Variants in STON2 observed in about 807,000 individuals in gnomAD.
STON2 encodes stonin 2.
STON2 carries 29 observed loss-of-function variants against 65.7 expected under a neutral mutation model. The observed-to-expected ratio is 0.44, with a 90% CI of 0.33 to 0.60. The LOEUF is 0.60. Ranked by LOEUF, STON2 falls within the 20% of genes least tolerant of loss-of-function variation. STON2 has a pLI of 0.03. For missense variants in STON2, 1,054 were observed against 1,118.1 expected, an observed-to-expected ratio of 0.94 and a Z score of 0.82; for synonymous variants, 404 against 414.2, an observed-to-expected ratio of 0.98 and a Z score of 0.30.
At chr14:81,312,170 G>C (rs888259348) in intron 5 of STON2, among the ~76,000 whole-genome samples, 4 of 152,194 alleles carry the variant, frequency 2.6e-5, no homozygotes, top group African/African-American at 9.6e-5. Flanking sequence ...TTCGTGAAAT[G>C]GTTCTGGGAT....
At chr14:81,320,078 T>C (rs996635778) in intron 5 of STON2, among the ~76,000 whole-genome samples, 3 of 152,178 alleles carry the variant, frequency 2.0e-5, no homozygotes, top group African/African-American at 7.2e-5. Context: ...TGAGGTTAGC[T>C]GGCTGGTCTA....
chr14:81,294,749 A>G (rs1895694323), intron 5 of STON2, among the ~76,000 whole-genome samples: 1 of 152,156 alleles, frequency 6.6e-6, no homozygotes, highest in South Asian at 2.1e-4. Context: ...TCCTGGCTCT[A>G]CCACAAACTC....
rs750372778 is a variant in STON2, at chr14:81,270,892, G to A, written c.2582-20C>T. 34 of 1,608,772 alleles carry A rather than the reference G, an allele frequency of 2.1e-5. No individual in the cohort carries two copies. The highest frequency in any genetic ancestry group is 2.7e-5 in the Non-Finnish European group (32 of 1,178,356). ...CGGAAGCTATGAAAGAAAGACAATC[G>A]AGAGATCAGATTATTTGGGGAGAAA... On this transcript the variant is annotated intron_variant, in intron 6 of 7. Coordinates refer to ENST00000614646, the MANE Select transcript of STON2 (RefSeq NM_001394390.1).
At chr14:81,399,978 G>A (rs1900522023) in intron 1 of STON2, among the ~76,000 whole-genome samples, 3 of 152,270 alleles carry the variant, frequency 2.0e-5, no homozygotes, top group Admixed American at 6.5e-5. Context: ...TTGAGCCCAG[G>A]TCTTCTGCAG....
intron 4 of STON2, among the ~76,000 whole-genome samples, chr14:81,361,705 AAATTATG>A (rs1208296791): frequency 6.6e-6 from 1 of 152,152 alleles, no homozygotes; most frequent in Non-Finnish European, 1.5e-5. Context: ...GTGAAGAGAC[AAATTATG>A]AATTTGGAGA....
At chr14:81,402,280 G>A (rs1053967625), upstream of STON2, among the ~76,000 whole-genome samples, 1 of 152,112 alleles carries the variant, frequency 6.6e-6, no homozygotes, top group Non-Finnish European at 1.5e-5. Flanking sequence ...CACAAAGTTG[G>A]GGGGCACAGT....
intron 4 of STON2, among the ~76,000 whole-genome samples, chr14:81,332,117 T>G (rs866057558): frequency 1.3e-5 from 2 of 152,156 alleles, no homozygotes; most frequent in African/African-American, 4.8e-5. Context: ...TTCCTCAGCA[T>G]CATGGCTGGG....
At chr14:81,364,219 G>C (rs184562356) in intron 4 of STON2, among the ~76,000 whole-genome samples, 1 of 152,174 alleles carries the variant, frequency 6.6e-6, no homozygotes, top group Non-Finnish European at 1.5e-5. Flanking sequence ...ACTGTGATCC[G>C]TTAAATGCAA....
intron 5 of STON2, among the ~76,000 whole-genome samples, chr14:81,323,038 A>G (rs1033177413): frequency 9.2e-5 from 14 of 151,714 alleles, no homozygotes; most frequent in African/African-American, 2.9e-4. Flanking sequence ...GCATCCTCAC[A>G]CTCTGATGTA....
chr14:81,326,345 T>G (rs1028622439), intron 4 of STON2, among the ~76,000 whole-genome samples: 1 of 152,186 alleles, frequency 6.6e-6, no homozygotes, highest in Non-Finnish European at 1.5e-5. Context: ...CTAATAATCA[T>G]GTAAAATAGT....
intron 5 of STON2, among the ~76,000 whole-genome samples, chr14:81,282,601 T>C (rs1595289500): frequency 6.6e-6 from 1 of 152,318 alleles, no homozygotes; most frequent in East Asian, 1.9e-4. Flanking sequence ...TCTCGTAATA[T>C]TTTGATGTGA....
intron 2 of STON2, among the ~76,000 whole-genome samples, chr14:81,417,537 C>G (rs370615522): frequency 6.6e-6 from 1 of 152,132 alleles, no homozygotes; most frequent in Non-Finnish European, 1.5e-5. Context: ...GAGGTAAGGG[C>G]AGAGAAGACC....
rs534847447 is a variant in STON2, at chr14:81,396,306, G to T, written c.89-128C>A. On this transcript the variant is annotated intron_variant, in intron 2 of 7. Transcript: ENST00000614646. ...TCGCCACTGCAGTGAGTGGGGAGAA[G>T]AAAGAGCCACACCCATCTGACTGCA... 167 of 794,420 alleles carry T rather than the reference G, an allele frequency of 2.1e-4. No homozygotes were observed. In the African/African-American group the frequency reaches 2.2e-3, roughly 10 times the overall value. 49.2% of individuals were successfully genotyped at this position (794,420 alleles called of 1,614,324 possible). A position where few individuals can be genotyped will look rare whatever the true frequency, so the allele number is the denominator to read the frequency against.
chr14:81,263,550 A>AC lies in STON2; in HGVS notation c.*4863_*4864insG, dbSNP rs1171620210. Reference sequence around the variant, plus strand: ...GAGACTCCGTCTCAAAAAAAAAAAAAAAAAAAAAAACAAAAAAGAAAATGC... The same window carrying AC: ...GAGACTCCGTCTCAAAAAAAAAAAAACAAAAAAAAAACAAAAAAGAAAATGC... On this transcript the variant is annotated 3_prime_UTR_variant, in exon 8 of 8. Coordinates refer to ENST00000614646, the MANE Select transcript of STON2 (RefSeq NM_001394390.1). 27 of 190,614 alleles carry AC rather than the reference A, an allele frequency of 1.4e-4. No individual in the cohort carries two copies. The South Asian group carries it at 1.8e-3, about 13-fold the overall frequency. The allele number at this position is 190,614 out of a possible 1,614,324, so 11.8% of individuals were successfully genotyped here. A position where few individuals can be genotyped will look rare whatever the true frequency, so the allele number is the denominator to read the frequency against.
In STON2 at chr14:81,412,079, G is replaced by C. The variant is rs187625226; in HGVS notation, c.-198-13499C>G. ...CTTGACCTGGGAATAGAGTAGGCAAGAGGCATGAGAGGTTGTAAAGGTCAT... is the reference window on the plus strand; with the variant it reads ...CTTGACCTGGGAATAGAGTAGGCAACAGGCATGAGAGGTTGTAAAGGTCAT... On this transcript the variant is annotated intron_variant, in intron 2 of 8. Transcript: ENST00000553821. Among the ~76,000 whole-genome samples the C allele has an allele frequency of 7.8e-5, 11 of 140,146 alleles. 3 individuals are homozygous for C. The highest frequency in any genetic ancestry group is 6.4e-4 in the Admixed American group (9 of 14,148). 91.9% of individuals were successfully genotyped at this position (140,146 alleles called of 152,430 possible).
chr14:81,391,693 C>T (rs748846720), intron 3 of STON2, among the ~76,000 whole-genome samples: 1 of 152,202 alleles, frequency 6.6e-6, no homozygotes, highest in Non-Finnish European at 1.5e-5. Context: ...CACTCTAATG[C>T]TGTGCACCGT....
At chr14:81,336,609 C>G (rs1053166134) in intron 4 of STON2, among the ~76,000 whole-genome samples, 1 of 151,862 alleles carries the variant, frequency 6.6e-6, no homozygotes, top group Non-Finnish European at 1.5e-5. Context: ...GGCAGCTCAA[C>G]AGGACATGAA....
chr14:81,364,641 T>C (rs1467026896), intron 4 of STON2, among the ~76,000 whole-genome samples: 1 of 152,194 alleles, frequency 6.6e-6, no homozygotes, highest in South Asian at 2.1e-4. Flanking sequence ...TATACGAATA[T>C]AAATTATACA....
intron 5 of STON2, among the ~76,000 whole-genome samples, chr14:81,308,781 C>CACATATATATAT (rs1317324049): frequency 1.8e-3 from 16 of 9,092 alleles, no homozygotes; most frequent in Middle Eastern, 0.071. Flanking sequence ...TGGTTTTACC[C>CACATATATATAT]ATATATATAT....
Sources: gnomAD v4.1 joint callset for allele counts (sites outside exome capture counted in the v4.1 genomes callset) on GRCh38, gnomAD v4.1.1 for gene constraint, MANE v1.5 for transcripts, NCBI Gene and HGNC (gene_info 2026-07-23, HGNC 2026-07-21) for gene names.